Variants in RASAL2 observed in about 807,000 individuals in gnomAD.
The protein encoded by RASAL2 is RAS protein activator like 2, also known as ras GTPase-activating protein nGAP.
Under a neutral mutation model 128.9 loss-of-function variants are expected in RASAL2, and 58 were observed. The observed-to-expected ratio is 0.45, with a 90% CI of 0.36 to 0.56. RASAL2 has a LOEUF of 0.56. Among genes scored for constraint, RASAL2 ranks in the 20% least tolerant of loss-of-function variants. The pLI is 0.00. For missense variants in RASAL2, 1,360 were observed against 1,601.6 expected (o/e 0.85, Z 2.57); for synonymous variants, 561 against 580.8 (o/e 0.97, Z 0.49).
At chr1:178,244,635 T>A (rs2102063293) in intron 1 of RASAL2, among the ~76,000 whole-genome samples, 1 of 152,336 alleles carries the variant, frequency 6.6e-6, no homozygotes, top group East Asian at 1.9e-4. Flanking sequence ...GGTATACATG[T>A]GCCATGGTGG....
chr1:178,346,577 G>A (rs533480115), intron 3 of RASAL2, among the ~76,000 whole-genome samples: 1 of 152,042 alleles, frequency 6.6e-6, no homozygotes, highest in Non-Finnish European at 1.5e-5. Context: ...GGGTATAATT[G>A]CTGAAATTTT....
At chr1:178,402,261 CA>C (rs1344487345) in intron 4 of RASAL2, among the ~76,000 whole-genome samples, 1 of 151,976 alleles carries the variant, frequency 6.6e-6, no homozygotes, top group African/African-American at 2.4e-5. Context: ...ACTAAAAATA[CA>C]AAAAATTAGC....
chr1:178,259,670 G>A (rs1054649858), intron 1 of RASAL2, among the ~76,000 whole-genome samples: 5 of 151,650 alleles, frequency 3.3e-5, no homozygotes, highest in Admixed American at 2.0e-4. Context: ...TGGCCTCCAG[G>A]CCTGCCTTAG....
At chr1:178,185,940 A>G (rs1049113473) in intron 1 of RASAL2, among the ~76,000 whole-genome samples, 19 of 152,064 alleles carry the variant, frequency 1.2e-4, no homozygotes, top group African/African-American at 4.6e-4. Context: ...TGTTTTCTGG[A>G]AGAGATTGTG....
Position 178,442,938 on chromosome 1 carries a change from A to G in RASAL2, c.1191A>G (p.Leu397=). The stretch of plus-strand genomic sequence containing the variant: ...AGGACAAGAATAATTATGTAGGGCT[A>G]GTCAACATCCCCACTGCCAGTGTGA... ...KKKDKNNYVG[L]VNIPTASVTG... is the part of the protein sequence containing the mutation. The change falls in exon 8 of 18, where the codon CTA becomes CTG. Residue 397 remains leucine (L), a synonymous_variant. Coordinates refer to ENST00000367649, the MANE Select transcript of RASAL2 (RefSeq NM_170692.4). 6.2e-7 allele frequency: 1 copy of G among 1,614,108 alleles called. No homozygotes were observed. The highest frequency in any genetic ancestry group is 1.3e-5 in the African/African-American group (1 of 75,072).
intron 3 of RASAL2, among the ~76,000 whole-genome samples, chr1:178,362,066 C>G (rs1426201647): frequency 6.6e-6 from 1 of 152,158 alleles, no homozygotes; most frequent in East Asian, 1.9e-4. Flanking sequence ...GCTGTGCGGC[C>G]TACTTCCTAC....
intron 3 of RASAL2, among the ~76,000 whole-genome samples, chr1:178,348,966 A>AT (rs967640293): frequency 3.3e-5 from 5 of 151,346 alleles, no homozygotes; most frequent in African/African-American, 1.2e-4. Flanking sequence ...TGCCTGGCTA[A>AT]TTTTTTGTAT....
chr1:178,359,575 AC>A, intron 3 of RASAL2, among the ~76,000 whole-genome samples: 1 of 152,186 alleles, frequency 6.6e-6, no homozygotes, highest in East Asian at 1.9e-4. Context: ...TTCCCAAGAT[AC>A]TTAAATTTTT....
In RASAL2 at chr1:178,409,876, G is replaced by A. The variant is rs530797907; in HGVS notation, c.565-10635G>A. On this transcript the variant is annotated intron_variant, in intron 4 of 17. Transcript: ENST00000367649. Reference sequence around the variant, plus strand: ...AGTACATGGTTGGTCCAGGATGGAGGGATAGTAGAAGCCAAGCCAAGCTTG... The same window carrying A: ...AGTACATGGTTGGTCCAGGATGGAGAGATAGTAGAAGCCAAGCCAAGCTTG... Among the ~76,000 whole-genome samples, 10 of 152,300 alleles carry A rather than the reference G, an allele frequency of 6.6e-5. No homozygotes were observed. In the East Asian group the frequency reaches 1.7e-3, roughly 26 times the overall value.
At chr1:178,470,800 C>T in intron 17 of RASAL2, 1 of 1,166,476 alleles carries the variant, frequency 8.6e-7, no homozygotes, top group Non-Finnish European at 1.2e-6. Flanking sequence ...CTACACATTC[C>T]AGCTCCTGCC....
At chr1:178,190,720 G>C (rs1200605925) in intron 1 of RASAL2, among the ~76,000 whole-genome samples, 3 of 121,280 alleles carry the variant, frequency 2.5e-5, no homozygotes, top group Admixed American at 9.6e-5. Flanking sequence ...ATTAAACTTT[G>C]TTGTAATTTC....
intron 1 of RASAL2, among the ~76,000 whole-genome samples, chr1:178,175,053 A>G (rs1022073537): frequency 6.6e-6 from 1 of 152,170 alleles, no homozygotes; most frequent in African/African-American, 2.4e-5. Flanking sequence ...TTTTAGAACT[A>G]ATGTCACTGA....
At chr1:178,186,169 T>G (rs35644001) in intron 1 of RASAL2, among the ~76,000 whole-genome samples, 1 of 152,112 alleles carries the variant, frequency 6.6e-6, no homozygotes, top group Non-Finnish European at 1.5e-5. Context: ...CAAAGTGTTG[T>G]TTGTAACATT....
intron 1 of RASAL2, among the ~76,000 whole-genome samples, chr1:178,202,008 A>C (rs939497298): frequency 2.6e-5 from 4 of 152,162 alleles, no homozygotes; most frequent in East Asian, 1.9e-4. Flanking sequence ...CTGGCCTTTT[A>C]CCAGAGTAAC....
chr1:178,408,375 C>T (rs1674122952), intron 4 of RASAL2, among the ~76,000 whole-genome samples: 1 of 152,118 alleles, frequency 6.6e-6, no homozygotes, highest in Admixed American at 6.5e-5. Context: ...GAGAAAAAAG[C>T]ATTTTCCTCT....
intron 4 of RASAL2, chr1:178,411,590 G>A (rs775910722): frequency 2.1e-5 from 15 of 716,450 alleles, no homozygotes; most frequent in Non-Finnish European, 3.6e-5. Flanking sequence ...TGGATGGAGA[G>A]ACGACATGCA....
intron 5 of RASAL2, among the ~76,000 whole-genome samples, chr1:178,436,967 A>T (rs1342972441): frequency 2.0e-5 from 3 of 152,222 alleles, no homozygotes; most frequent in Middle Eastern, 6.8e-3. Context: ...AAATGGATAG[A>T]AGCCTCACCA....
intron 3 of RASAL2, among the ~76,000 whole-genome samples, chr1:178,385,623 G>A (rs532955069): frequency 3.0e-4 from 46 of 152,094 alleles, no homozygotes; most frequent in African/African-American, 1.1e-3. Flanking sequence ...TTGGAAGAAA[G>A]GGGTTCTTTA....
At position 178,473,187 on chromosome 1, in the gene RASAL2, C is replaced by T. The variant is rs1385408990; in HGVS notation, c.3791C>T (p.Pro1264Leu). 6.2e-7 allele frequency: 1 copy of T among 1,614,186 alleles called. No individual in the cohort carries two copies. The highest frequency in any genetic ancestry group is 1.1e-5 in the South Asian group (1 of 91,076). Residue 1264 changes from proline to leucine, a missense_variant, in exon 18 of 18, where the codon CCC becomes CTC. Around this residue, in one of 3 missense-constraint regions of RASAL2, gnomAD observed 741 missense variants for 868.6 expected, o/e 0.85. Coordinates refer to ENST00000367649, the MANE Select transcript of RASAL2 (RefSeq NM_170692.4). ...QVRNGISPTN[P>L]TKLSITENGE... ...CGCAATGGCATCTCCCCCACCAACCCCACCAAGCTTTCCATCACGGAGAAT... is the reference window on the plus strand; with the variant it reads ...CGCAATGGCATCTCCCCCACCAACCTCACCAAGCTTTCCATCACGGAGAAT...
Sources: gnomAD v4.1 joint callset for allele counts (sites outside exome capture counted in the v4.1 genomes callset) on GRCh38, gnomAD v4.1.1 for gene constraint, gnomAD v4.1.1 regional missense constraint, MANE v1.5 for transcripts, NCBI Gene and HGNC (gene_info 2026-07-23, HGNC 2026-07-21) for gene names.